The following CABLES1 variants were observed in gnomAD, a reference collection of about 807,000 sequenced individuals.
CABLES1 encodes the protein Cdk5 and Abl enzyme substrate 1, also known as CDK5 and ABL1 enzyme substrate 1.
Under a neutral mutation model 57.8 loss-of-function variants are expected in CABLES1, and 36 were observed. The observed-to-expected ratio is 0.62, with a 90% CI of 0.48 to 0.82. CABLES1 has a LOEUF of 0.82. Among genes scored for constraint, CABLES1 ranks in the 40% least tolerant of loss-of-function variants. The probability of loss-of-function intolerance (pLI) is 0.00; values close to 1 mark genes in which losing one functional copy is unlikely to be tolerated. For synonymous variants in CABLES1, 374 were observed against 363.0 expected (o/e 1.03, Z -0.35); for missense variants, 767 against 836.6 (o/e 0.92, Z 1.03).
chr18:23,256,467 G>T (rs1282964199), intron 9 of CABLES1, among the ~76,000 whole-genome samples: 1 of 152,152 alleles, frequency 6.6e-6, no homozygotes, highest in East Asian at 1.9e-4. Context: ...ATTGTCGTGC[G>T]TGGTTTGCTT....
intron 3 of CABLES1, among the ~76,000 whole-genome samples, chr18:23,198,489 C>T (rs1375068807): frequency 1.3e-5 from 2 of 152,132 alleles, no homozygotes; most frequent in Non-Finnish European, 2.9e-5. Flanking sequence ...CACATCCCAT[C>T]CCCAGGACCT....
chr18:23,219,959 G>A (rs1321889994), intron 4 of CABLES1, among the ~76,000 whole-genome samples: 1 of 152,016 alleles, frequency 6.6e-6, no homozygotes, highest in Non-Finnish European at 1.5e-5. Context: ...CCACTGTATT[G>A]GGCACATTTT....
chr18:23,136,359 G>A lies in CABLES1; in HGVS notation c.597G>A (p.Gly199=). 3 of 1,514,462 alleles carry A rather than the reference G, an allele frequency of 2.0e-6. No homozygotes were observed. Among genetic ancestry groups the A allele is most frequent in the Non-Finnish European group, 2.6e-6 (3 of 1,132,636 alleles). 93.8% of individuals were successfully genotyped at this position (1,514,462 alleles called of 1,614,324 possible). ...AACAQLQLLD[G]SGAAGQEELE... ...GTGCCCAACTGCAGCTGCTCGACGG[G>A]TCCGGGGCCGCCGGGCAGGAGGAGT... The change falls in exon 1 of 10, where the codon GGG becomes GGA. Residue 199 remains glycine (G), a synonymous_variant. Coordinates refer to ENST00000256925, the MANE Select transcript of CABLES1 (RefSeq NM_001100619.3).
At chr18:23,143,788 C>T (rs567764902) in intron 1 of CABLES1, among the ~76,000 whole-genome samples, 1 of 149,748 alleles carries the variant, frequency 6.7e-6, no homozygotes, top group Admixed American at 6.7e-5. Flanking sequence ...ATGTGGTGGC[C>T]CGAGGGGCTC....
At chr18:23,216,172 A>G (rs1191506487) in intron 4 of CABLES1, among the ~76,000 whole-genome samples, 1 of 152,144 alleles carries the variant, frequency 6.6e-6, no homozygotes, top group South Asian at 2.1e-4. Context: ...TGAAGTGTCC[A>G]TATTCGTTTT....
chr18:23,214,373 A>G, intron 4 of CABLES1: 1 of 219,208 alleles, frequency 4.6e-6, no homozygotes, highest in Admixed American at 5.5e-5. Flanking sequence ...ACCTTTGGAA[A>G]AAAGGTAGGT....
chr18:23,161,700 G>C (rs572923467), intron 1 of CABLES1, among the ~76,000 whole-genome samples: 1 of 149,618 alleles, frequency 6.7e-6, no homozygotes, highest in East Asian at 2.0e-4. Flanking sequence ...CACAAGGTCA[G>C]GAGATCGAGA....
At position 23,148,645 on chromosome 18, in the gene CABLES1, G is replaced by A. The variant is rs373331414; in HGVS notation, c.845+12038G>A. On this transcript the variant is annotated intron_variant, in intron 1 of 9. Transcript: ENST00000256925. ...AAGGCAGCTGGACTCTGGGGCAGCC[G>A]GACAGGTTAGGGGCCACCATTCCTG... is the stretch of plus-strand genomic sequence containing the variant. Among the ~76,000 whole-genome samples, 306 of 152,294 alleles carry A rather than the reference G, an allele frequency of 2.0e-3. 3 individuals carry two copies. The highest frequency in any genetic ancestry group is 7.0e-3 in the African/African-American group (290 of 41,564).
At chr18:23,155,804 A>G in intron 1 of CABLES1, 5 of 1,591,862 alleles carry the variant, frequency 3.1e-6, no homozygotes, top group South Asian at 1.1e-5. Flanking sequence ...TTTGGTCTCA[A>G]CAGTGCTTGC....
chr18:23,162,977 A>G (rs1364772271), intron 1 of CABLES1, among the ~76,000 whole-genome samples: 3 of 152,238 alleles, frequency 2.0e-5, no homozygotes, highest in Non-Finnish European at 4.4e-5. Context: ...TCAGGAGACC[A>G]GGCAGGAGAG....
upstream of CABLES1, chr18:23,135,348 GC>G (rs1346316577): frequency 6.6e-6 from 1 of 152,440 alleles, no homozygotes; most frequent in African/African-American, 2.4e-5. Context: ...GTCTGCCTCT[GC>G]GGCCGCCGCC....
chr18:23,242,193 G>A (rs1013483289), intron 7 of CABLES1, among the ~76,000 whole-genome samples: 6 of 152,130 alleles, frequency 3.9e-5, no homozygotes, highest in South Asian at 4.1e-4. Context: ...CAGGAGAATC[G>A]CTTGAACCCA....
At chr18:23,233,759 T>G (rs533260767) in intron 4 of CABLES1, among the ~76,000 whole-genome samples, 1 of 152,346 alleles carries the variant, frequency 6.6e-6, no homozygotes, top group Non-Finnish European at 1.5e-5. Flanking sequence ...AGATTATTCC[T>G]CTATTAAAAG....
chr18:23,252,821 C>T (rs911080815), intron 7 of CABLES1, 139 bp from the exon 8 acceptor site: 32 of 585,744 alleles, frequency 5.5e-5, no homozygotes, highest in Non-Finnish European at 9.4e-5. Flanking sequence ...TGGATTCCGC[C>T]GAGCCCTTGT....
At chr18:23,200,530 G>A (rs757159648) in intron 3 of CABLES1, among the ~76,000 whole-genome samples, 48 of 152,078 alleles carry the variant, frequency 3.2e-4, no homozygotes, top group Non-Finnish European at 6.6e-4. Context: ...CCAAAGTGCT[G>A]GGATTACAGG....
At chr18:23,257,064 C>T (rs2048186004) in intron 9 of CABLES1, 163 bp from the exon 10 acceptor site, 6 of 725,358 alleles carry the variant, frequency 8.3e-6, no homozygotes, top group East Asian at 2.8e-5. Context: ...GGACCGAAGG[C>T]AGGAAGCACA....
At position 23,259,764 on chromosome 18, in the gene CABLES1, TC is replaced by T. The variant is rs1340862455; in HGVS notation, c.*2398del. ...GCCTTGGGCTTCGGCGAGGAGGAAG[TC>T]TGAGCCTGTGAAGCGAGAAGGCCAG... On this transcript the variant is annotated 3_prime_UTR_variant, in exon 10 of 10. Coordinates refer to ENST00000256925, the MANE Select transcript of CABLES1 (RefSeq NM_001100619.3). 6.6e-6 allele frequency: 1 copy of T among 152,202 alleles called. No individual in the cohort carries two copies. Among genetic ancestry groups the T allele is most frequent in the Non-Finnish European group, 1.5e-5 (1 of 68,054 alleles). 9.4% of individuals were successfully genotyped at this position (152,202 alleles called of 1,614,324 possible). A position where few individuals can be genotyped will look rare whatever the true frequency, so the allele number is the denominator to read the frequency against.
intron 7 of CABLES1, among the ~76,000 whole-genome samples, chr18:23,251,541 G>A (rs1337477001): frequency 5.3e-5 from 8 of 152,228 alleles, no homozygotes; most frequent in African/African-American, 1.7e-4. Flanking sequence ...AGATGAACTG[G>A]AGGAAACCCA....
chr18:23,180,669 G>A (rs775774131), intron 1 of CABLES1, among the ~76,000 whole-genome samples: 8 of 152,106 alleles, frequency 5.3e-5, no homozygotes, highest in Non-Finnish European at 7.4e-5. Flanking sequence ...GCCACTAAGC[G>A]CAGCTGATTT....
Sources: allele counts gnomAD v4.1 joint callset (sites outside exome capture counted in the v4.1 genomes callset), GRCh38; gene constraint gnomAD v4.1.1; transcripts MANE v1.5; gene names NCBI Gene and HGNC (gene_info 2026-07-23, HGNC 2026-07-21).